Variants in TTC31 observed in about 807,000 individuals in gnomAD.
TTC31 encodes the protein tetratricopeptide repeat domain 31, also known as tetratricopeptide repeat protein 31.
TTC31 carries 59 observed loss-of-function variants against 60.4 expected under a neutral mutation model. That is an observed-to-expected ratio of 0.98 (90% CI 0.79 to 1.21). The LOEUF is 1.21. Among genes scored for constraint, TTC31 ranks in the 50% most tolerant of loss-of-function variants. TTC31 has a pLI of 0.00. For synonymous variants in TTC31, 225 were observed against 249.6 expected, an observed-to-expected ratio of 0.90 and a Z score of 0.93; for missense variants, 672 against 646.9, an observed-to-expected ratio of 1.04 and a Z score of -0.42.
chr2:74,487,799 C>T (rs1673311174), intron 2 of TTC31, among the ~76,000 whole-genome samples: 2 of 152,124 alleles, frequency 1.3e-5, no homozygotes, highest in South Asian at 2.1e-4. Context: ...CGTGCCTCAG[C>T]CTCCTGAGTA....
In TTC31 at chr2:74,493,389, G is replaced by A; in HGVS notation, c.*171G>A. ...GGGAAGCTTCTGATGAGAGAAAGGA[G>A]CCCCACATCCACTGAAACATCCTTT... On this transcript the variant is annotated 3_prime_UTR_variant, in exon 13 of 13. Coordinates refer to ENST00000233623, the MANE Select transcript of TTC31 (RefSeq NM_022492.6). 1.5e-6 allele frequency: 1 copy of A among 675,600 alleles called. No individual in the cohort carries two copies. Among genetic ancestry groups the A allele is most frequent in the Non-Finnish European group, 2.4e-6 (1 of 418,942 alleles). The allele number at this position is 675,600 out of a possible 1,614,324, so 41.9% of individuals were successfully genotyped here. A position where few individuals can be genotyped will look rare whatever the true frequency, so the allele number is the denominator to read the frequency against.
chr2:74,491,739 C>T (rs764138335), intron 8 of TTC31, 67 bp downstream of exon 8: 2 of 1,561,264 alleles, frequency 1.3e-6, no homozygotes, highest in South Asian at 2.3e-5. Flanking sequence ...GCTGGGGAGG[C>T]ACAGGGTCTA....
intron 2 of TTC31, among the ~76,000 whole-genome samples, chr2:74,489,644 G>C (rs1430907042): frequency 6.6e-6 from 1 of 152,142 alleles, no homozygotes; most frequent in African/African-American, 2.4e-5. Context: ...CCTCAGGGTG[G>C]GTTATGTGGA....
At position 74,492,129 on chromosome 2, in the gene TTC31, T is replaced by G; in HGVS notation, c.929-10T>G. The G allele has an allele frequency of 6.2e-7, 1 of 1,614,162 alleles. No homozygotes were observed. Among genetic ancestry groups the G allele is most frequent in the Non-Finnish European group, 8.5e-7 (1 of 1,180,024 alleles). On this transcript the variant is annotated splice_polypyrimidine_tract_variant and intron_variant, in intron 9 of 12. Transcript: ENST00000233623. ...CCCATCTGAACCTTCTCACCCTCTTTCCTTTCCAGAGTTGGGTACCAGCTT... is the reference window on the plus strand; with the variant it reads ...CCCATCTGAACCTTCTCACCCTCTTGCCTTTCCAGAGTTGGGTACCAGCTT...
At chr2:74,484,136 C>T (rs1444159059) in intron 2 of TTC31, among the ~76,000 whole-genome samples, 1 of 149,598 alleles carries the variant, frequency 6.7e-6, no homozygotes, top group East Asian at 2.0e-4. Context: ...ACTGGGGTTA[C>T]TGAGGCAGGA....
rs752671736 is a variant in TTC31 at position 74,491,476 on chromosome 2, C to T, written c.685-5C>T. The T allele has an allele frequency of 1.3e-6, 2 of 1,591,988 alleles. No homozygotes were observed. Among genetic ancestry groups the T allele is most frequent in the Admixed American group, 3.4e-5 (2 of 58,456 alleles). ...CCCCTCCCTAACTTTCCATTTTGTT[C>T]ACAGGACTCACTGGATCTATCTAGC... is the stretch of plus-strand genomic sequence containing the variant. On this transcript the variant is annotated splice_polypyrimidine_tract_variant and splice_region_variant and intron_variant, in intron 7 of 12. Coordinates refer to ENST00000233623, the MANE Select transcript of TTC31 (RefSeq NM_022492.6).
chr2:74,493,453 A>T lies in TTC31; in HGVS notation c.*235A>T. On this transcript the variant is annotated 3_prime_UTR_variant, in exon 13 of 13. Transcript: ENST00000233623. The stretch of plus-strand genomic sequence containing the variant: ...CTTCTGGAGGCAGTAAGGAAAAATA[A>T]AACCCACCAAGGCTCAAGAAGGGAA... 1 of 524,750 alleles carries T rather than the reference A, an allele frequency of 1.9e-6. No homozygotes were observed. The highest frequency in any genetic ancestry group is 3.3e-6 in the Non-Finnish European group (1 of 299,844). The allele number at this position is 524,750 out of a possible 1,614,324, so 32.5% of individuals were successfully genotyped here. A position where few individuals can be genotyped will look rare whatever the true frequency, so the allele number is the denominator to read the frequency against.
At position 74,493,064 on chromosome 2, in the gene TTC31, C is replaced by T; in HGVS notation, c.1406C>T (p.Pro469Leu). 2 of 1,614,164 alleles carry T rather than the reference C, an allele frequency of 1.2e-6. No individual in the cohort carries two copies. Among genetic ancestry groups the T allele is most frequent in the East Asian group, 2.2e-5 (1 of 44,892 alleles). The change falls in exon 13 of 13, where the codon CCA (proline) becomes CTA (leucine). Residue 469 changes from proline (P) to leucine (L), a missense_variant. Pro to Leu is a moderately conservative substitution (Grantham distance 98). Transcript: ENST00000233623. ...GCTTTGAGGTCCCCTGGCCTGTCTC[C>T]ACTCTTGCATTATCCTTCATGTCAC... Reference protein sequence around the residue: ...STALRSPGLSPLLHYPSCHRS... With the variant: ...STALRSPGLSLLLHYPSCHRS...
intron 5 of TTC31, 32 bp downstream of exon 5, chr2:74,490,771 A>C: frequency 6.3e-7 from 1 of 1,594,066 alleles, no homozygotes; most frequent in Non-Finnish European, 8.6e-7. Flanking sequence ...GGTGCAGGGG[A>C]GCCAAAGGGA....
At chr2:74,491,898 C>A in intron 8 of TTC31, 106 bp from the exon 9 acceptor site, 2 of 1,569,294 alleles carry the variant, frequency 1.3e-6, no homozygotes, top group Non-Finnish European at 1.7e-6. Context: ...ATGAGGATTA[C>A]ATGAGTTGGG....
Position 74,491,631 on chromosome 2 carries a change from C to T in TTC31, c.835C>T (p.Pro279Ser), listed in dbSNP as rs1673902893. The T allele has an allele frequency of 4.3e-6, 7 of 1,614,050 alleles. No individual in the cohort carries two copies. Among genetic ancestry groups the T allele is most frequent in the South Asian group, 2.2e-5 (2 of 91,088 alleles). Reference sequence around the variant, plus strand: ...GAAGATGGGTCAAGAGGAAGAGAGCCCTCCAAGAGAGGAGAGGCCCCAGCA... The same window carrying T: ...GAAGATGGGTCAAGAGGAAGAGAGCTCTCCAAGAGAGGAGAGGCCCCAGCA... Reference protein sequence around the residue: ...LQKMGQEEESPPREERPQQSP... With the variant: ...LQKMGQEEESSPREERPQQSP... Residue 279 changes from proline (P) to serine (S), a missense_variant, in exon 8 of 13, where the codon CCT becomes TCT. Pro to Ser is a moderately conservative substitution (Grantham distance 74). Transcript: ENST00000233623.
At chr2:74,492,501 G>A in intron 11 of TTC31, 56 bp downstream of exon 11, 1 of 1,528,444 alleles carries the variant, frequency 6.5e-7, no homozygotes, top group Non-Finnish European at 8.8e-7. Context: ...AGTGGGGAGA[G>A]GGTCTATGTT....
chr2:74,489,185 A>C (rs1673516182), intron 2 of TTC31, among the ~76,000 whole-genome samples: 1 of 152,370 alleles, frequency 6.6e-6, no homozygotes, highest in South Asian at 2.1e-4. Flanking sequence ...TGTGTAACAC[A>C]GATAATGTGG....
At chr2:74,489,877 G>T in intron 2 of TTC31, 148 bp from the exon 3 acceptor site, 1 of 636,270 alleles carries the variant, frequency 1.6e-6, no homozygotes, top group South Asian at 1.9e-5. Context: ...GCGGTGCTGA[G>T]GAGGGAGAGG....
At chr2:74,491,411 C>T (rs775953811) in intron 7 of TTC31, 36 bp downstream of exon 7, 38 of 1,614,018 alleles carry the variant, frequency 2.4e-5, no homozygotes, top group South Asian at 4.4e-5. Flanking sequence ...GGTCTCTGCT[C>T]ATTTTCCTCC....
rs771221039 is a variant in TTC31, at chr2:74,492,003, G to A, written c.877-1G>A. 1 of 1,614,226 alleles carries A rather than the reference G, an allele frequency of 6.2e-7. No individual in the cohort carries two copies. The highest frequency in any genetic ancestry group is 1.1e-5 in the South Asian group (1 of 91,090). ...TGCTTGACTTTGCACCCTATCCCCA[G>A]GCATCTCCGGGACTGCTGGCAGCTG... On this transcript the variant is annotated splice_acceptor_variant, in intron 8 of 12. Transcript: ENST00000233623. LOFTEE classifies it high-confidence loss of function.
At chr2:74,491,939 C>T (rs1231932810) in intron 8 of TTC31, 65 bp from the exon 9 acceptor site, 9 of 1,611,796 alleles carry the variant, frequency 5.6e-6, no homozygotes, top group Admixed American at 3.3e-5. Flanking sequence ...CCTGTTTAAA[C>T]AAAGGAGAAG....
chr2:74,485,233 C>A (rs1249248021), intron 2 of TTC31, among the ~76,000 whole-genome samples: 1 of 151,822 alleles, frequency 6.6e-6, no homozygotes, highest in African/African-American at 2.4e-5. Flanking sequence ...ACCATATTGG[C>A]CAGGCTGGTC....
At chr2:74,484,131 G>A (rs2104072934) in intron 2 of TTC31, among the ~76,000 whole-genome samples, 1 of 151,320 alleles carries the variant, frequency 6.6e-6, no homozygotes, top group East Asian at 2.0e-4. Flanking sequence ...CAGTCACTGG[G>A]GTTACTGAGG....
Sources: gnomAD v4.1 joint callset for allele counts (sites outside exome capture counted in the v4.1 genomes callset) on GRCh38, gnomAD v4.1.1 for gene constraint, MANE v1.5 for transcripts, NCBI Gene and HGNC (gene_info 2026-07-23, HGNC 2026-07-21) for gene names.